PPFIA4: variants seen among roughly 807,000 people sequenced by gnomAD.
PPFIA4 encodes PPFI scaffold protein A4, also known as liprin-alpha-4.
PPFIA4 carries 98 observed loss-of-function variants against 145.7 expected under a neutral mutation model. That is an observed-to-expected ratio of 0.67 (90% confidence interval 0.57 to 0.80). The LOEUF is 0.80. Among genes scored for constraint, PPFIA4 ranks in the 30% least tolerant of loss-of-function variants. PPFIA4 has a pLI of 0.00. For synonymous variants in PPFIA4, 628 were observed against 649.6 expected, an observed-to-expected ratio of 0.97 and a Z score of 0.51; for missense variants, 1,457 against 1,632.7, an observed-to-expected ratio of 0.89 and a Z score of 1.85.
rs151094036 is a variant in PPFIA4 at position 203,072,927 on chromosome 1, A to G, written c.3393+1167A>G. Among the ~76,000 whole-genome samples the G allele has an allele frequency of 9.5e-3, 1,318 of 138,934 alleles. 13 individuals are homozygous for G. The highest frequency in any genetic ancestry group is 0.014 in the Non-Finnish European group (917 of 65,506). The allele number at this position is 138,934 out of a possible 152,430, so 91.1% of individuals were successfully genotyped here. A position where few individuals can be genotyped will look rare whatever the true frequency, so the allele number is the denominator to read the frequency against. Reference sequence around the variant, plus strand: ...CCCAGAGCTGTCCCAACTCTGATAGATCTGTTTTCCCAATGCCCCTGTGAT... The same window carrying G: ...CCCAGAGCTGTCCCAACTCTGATAGGTCTGTTTTCCCAATGCCCCTGTGAT... On this transcript the variant is annotated intron_variant, in intron 28 of 29. Transcript: ENST00000295706.
chr1:203,073,488 A>C (rs771257655), intron 28 of PPFIA4, among the ~76,000 whole-genome samples: 1 of 152,142 alleles, frequency 6.6e-6, no homozygotes, highest in Admixed American at 6.6e-5. Context: ...CCAGGTCCTG[A>C]GAATAAGGCA....
chr1:203,068,727 G>T lies in PPFIA4; in HGVS notation c.3324+99G>T, dbSNP rs1661914021. 1 of 1,274,214 alleles carries T rather than the reference G, an allele frequency of 7.8e-7. No homozygotes were observed. Among genetic ancestry groups the T allele is most frequent in the Non-Finnish European group, 1.0e-6 (1 of 968,248 alleles). 78.9% of individuals were successfully genotyped at this position (1,274,214 alleles called of 1,614,324 possible). A position where few individuals can be genotyped will look rare whatever the true frequency, so the allele number is the denominator to read the frequency against. On this transcript the variant is annotated intron_variant, in intron 27 of 29. Transcript: ENST00000295706. This position sits in a 1 kb window ranked among gnomAD's most constrained non-coding sequence, Gnocchi z 4.7. Reference sequence around the variant, plus strand: ...CACAAAGGCTTAGGTATCTTGGGGGGTGGGGAGCTTTTCTAGGGCCTATGC... The same window carrying T: ...CACAAAGGCTTAGGTATCTTGGGGGTTGGGGAGCTTTTCTAGGGCCTATGC...
Position 203,068,311 on chromosome 1 carries a change from T to C in PPFIA4, c.3149-142T>C, listed in dbSNP as rs1385915795. On this transcript the variant is annotated intron_variant, in intron 26 of 29. Coordinates refer to ENST00000295706, the MANE Select transcript of PPFIA4 (RefSeq NM_001304331.2). This position sits in a 1 kb window ranked among gnomAD's most constrained non-coding sequence, Gnocchi z 4.7. ...GGTGCCAGGGAGGAGAGAAAGAAGA[T>C]ATGGAAATTTAGGGATGGAGTGGGG... is the stretch of plus-strand genomic sequence containing the variant. 1.4e-6 allele frequency: 1 copy of C among 704,100 alleles called. No homozygotes were observed. Among genetic ancestry groups the C allele is most frequent in the Non-Finnish European group, 2.2e-6 (1 of 459,320 alleles). 43.6% of individuals were successfully genotyped at this position (704,100 alleles called of 1,614,324 possible). A position where few individuals can be genotyped will look rare whatever the true frequency, so the allele number is the denominator to read the frequency against.
At position 203,044,420 on chromosome 1, in the gene PPFIA4, C is replaced by T; in HGVS notation, c.543C>T (p.Thr181=). 3 of 1,551,958 alleles carry T rather than the reference C, an allele frequency of 1.9e-6. No homozygotes were observed. Among genetic ancestry groups the T allele is most frequent in the Non-Finnish European group, 2.6e-6 (3 of 1,147,808 alleles). The change falls in exon 5 of 30, where the codon ACC becomes ACT. Residue 181 remains threonine, a synonymous_variant. Coordinates refer to ENST00000295706, the MANE Select transcript of PPFIA4 (RefSeq NM_001304331.2). ...GGGCAGCGCTGGAGCGAGTCACCACCTTGGAGGAGCAGCTGGCAGGTGCCC... is the reference window on the plus strand; with the variant it reads ...GGGCAGCGCTGGAGCGAGTCACCACTTTGGAGGAGCAGCTGGCAGGTGCCC... ...RLRAALERVT[T]LEEQLAGAHQ... is the part of the protein sequence containing the mutation.
At chr1:203,038,552 C>T (rs903374737) in intron 1 of PPFIA4, 58 bp from the exon 2 acceptor site, 2 of 155,566 alleles carry the variant, frequency 1.3e-5, no homozygotes, top group African/African-American at 4.8e-5. Context: ...TGCTCCACCC[C>T]CTCCCCTGAT....
At chr1:203,069,878 C>G (rs1211731816) in intron 27 of PPFIA4, among the ~76,000 whole-genome samples, 1 of 151,898 alleles carries the variant, frequency 6.6e-6, no homozygotes, top group African/African-American at 2.4e-5. Context: ...TCGGGCAAGC[C>G]TCGTCTGCCA....
At chr1:203,045,636 C>A in intron 7 of PPFIA4, 77 bp downstream of exon 7, 1 of 1,474,610 alleles carries the variant, frequency 6.8e-7, no homozygotes, top group East Asian at 2.5e-5. Context: ...GGCTCTGGGG[C>A]GTGAGACTGA....
At chr1:203,032,610 T>G (rs1658935884) in intron 1 of PPFIA4, among the ~76,000 whole-genome samples, 1 of 19,326 alleles carries the variant, frequency 5.2e-5, no homozygotes, top group Non-Finnish European at 1.5e-4. Context: ...AGCTAACATT[T>G]TTTTTTTTTT....
chr1:203,071,473 C>T (rs1255824114), intron 27 of PPFIA4, among the ~76,000 whole-genome samples: 1 of 106,370 alleles, frequency 9.4e-6, no homozygotes, highest in East Asian at 2.6e-4. Flanking sequence ...TTATGTTGTT[C>T]TAATTTGCTG....
intron 9 of PPFIA4, among the ~76,000 whole-genome samples, chr1:203,047,778 A>G (rs762189149): frequency 6.6e-6 from 1 of 152,216 alleles, no homozygotes; most frequent in Non-Finnish European, 1.5e-5. Context: ...ACGAAGGCAC[A>G]TAGAGGTTTG....
At chr1:203,058,522 C>T (rs946084699) in intron 19 of PPFIA4, among the ~76,000 whole-genome samples, 17 of 152,158 alleles carry the variant, frequency 1.1e-4, no homozygotes, top group Non-Finnish European at 2.1e-4. Context: ...CACGTTGGCA[C>T]CTAAACCTGA....
rs1238247178 is a variant in PPFIA4, at chr1:203,039,044, C to A, written c.36C>A (p.Asp12Glu). Residue 12 changes from aspartate to glutamate, a missense_variant, in exon 2 of 30, where the codon GAC becomes GAA. Transcript: ENST00000295706. ...CEVMPTINEG[D>E]RLGPPHGADA... ...TGATGCCCACAATCAATGAGGGGGA[C>A]CGCCTGGGTCCCCCTCATGGCGCCG... is the stretch of plus-strand genomic sequence containing the variant. The A allele has an allele frequency of 1.3e-6, 2 of 1,579,364 alleles. No homozygotes were observed. The highest frequency in any genetic ancestry group is 1.7e-6 in the Non-Finnish European group (2 of 1,166,894).
chr1:203,046,506 C>T (rs193087092), intron 9 of PPFIA4, 124 bp downstream of exon 9: 72 of 1,160,922 alleles, frequency 6.2e-5, no homozygotes, highest in African/African-American at 9.3e-5. Flanking sequence ...TGCTTCCCGC[C>T]GTGTGATTCC....
At chr1:203,044,566 A>C (rs1450754221) in intron 5 of PPFIA4, 113 bp downstream of exon 5, 1 of 1,390,404 alleles carries the variant, frequency 7.2e-7, no homozygotes. Context: ...GGAAGCTGCT[A>C]GGCAAGGCTA....
chr1:203,043,977 C>T lies in PPFIA4; in HGVS notation c.383C>T (p.Ser128Leu), dbSNP rs1313533370. ...LECLVSRHERSLRMTVVKRQA... is the reference protein window; with the variant it reads ...LECLVSRHERLLRMTVVKRQA... The stretch of plus-strand genomic sequence containing the variant: ...TGCCTGGTGTCCCGCCATGAACGGT[C>T]ACTGCGGATGACTGTGGTGAAGCGC... The change falls in exon 4 of 30, where the codon TCA becomes TTA. Residue 128 changes from serine (S) to leucine (L), a missense_variant. Ser to Leu is a moderately radical substitution (Grantham distance 145). Coordinates refer to ENST00000295706, the MANE Select transcript of PPFIA4 (RefSeq NM_001304331.2). This position sits in a 1 kb window ranked among gnomAD's most constrained non-coding sequence, Gnocchi z 4.4. 1.2e-6 allele frequency: 2 copies of T among 1,611,750 alleles called. No homozygotes were observed. Among genetic ancestry groups the T allele is most frequent in the Non-Finnish European group, 1.7e-6 (2 of 1,179,254 alleles).
chr1:203,061,311 G>A (rs137929997), intron 23 of PPFIA4: 2 of 551,206 alleles, frequency 3.6e-6, no homozygotes, highest in Non-Finnish European at 6.4e-6. Flanking sequence ...GCTGGGGAGG[G>A]CTTTGCCCTG....
rs774616883 is a variant in PPFIA4 at position 203,060,314 on chromosome 1, G to A, written c.2681G>A (p.Arg894Gln). Reference protein sequence around the residue: ...MSALSDTEIQREIGISNALHR... With the variant: ...MSALSDTEIQQEIGISNALHR... ...GCTCTGTCGGACACAGAGATCCAGCGGGAGATCGGCATCAGCAATGCCCTG... is the reference window on the plus strand; with the variant it reads ...GCTCTGTCGGACACAGAGATCCAGCAGGAGATCGGCATCAGCAATGCCCTG... The change falls in exon 22 of 30, where the codon CGG (arginine) becomes CAG (glutamine). Residue 894 changes from arginine to glutamine, a missense_variant. Arg to Gln is a conservative substitution (Grantham distance 43). This residue lies in a region of PPFIA4 where 848 missense variants were observed against 1,046.7 expected (regional missense o/e 0.81). Coordinates refer to ENST00000295706, the MANE Select transcript of PPFIA4 (RefSeq NM_001304331.2). The surrounding 1 kb of genome is among the most constrained non-coding windows in gnomAD (Gnocchi z 4.8). 3 of 1,614,052 alleles carry A rather than the reference G, an allele frequency of 1.9e-6. No homozygotes were observed. The highest frequency in any genetic ancestry group is 1.7e-6 in the Non-Finnish European group (2 of 1,179,942).
At chr1:203,052,955 G>A (rs1020809079) in intron 14 of PPFIA4, among the ~76,000 whole-genome samples, 1 of 152,216 alleles carries the variant, frequency 6.6e-6, no homozygotes, top group African/African-American at 2.4e-5. Context: ...TTGTATGGAT[G>A]GAAACTGATA....
chr1:203,065,256 A>G (rs996646812), intron 25 of PPFIA4, among the ~76,000 whole-genome samples: 5 of 152,188 alleles, frequency 3.3e-5, no homozygotes, highest in Non-Finnish European at 5.9e-5. Flanking sequence ...CCCTTGGCCT[A>G]TGTGACCCCA....
Sources: allele counts gnomAD v4.1 joint callset (sites outside exome capture counted in the v4.1 genomes callset), GRCh38; gene constraint gnomAD v4.1.1; regional missense constraint gnomAD v4.1.1; non-coding constraint Gnocchi (gnomAD v3.1); transcripts MANE v1.5; gene names NCBI Gene and HGNC (gene_info 2026-07-23, HGNC 2026-07-21).